The following RAB8B variants were observed in gnomAD, a reference collection of about 807,000 sequenced individuals.
The protein encoded by RAB8B is ras-related protein Rab-8B.
Under a neutral mutation model 32.0 loss-of-function variants are expected in RAB8B, and 11 were observed. The observed-to-expected ratio is 0.34, with a 90% CI of 0.22 to 0.57. The LOEUF is 0.57. Ranked by LOEUF, RAB8B falls within the 20% of genes least tolerant of loss-of-function variation. RAB8B has a pLI of 0.86. For synonymous variants in RAB8B, 103 were observed against 89.6 expected (o/e 1.15, Z -0.85); for missense variants, 190 against 258.5 (o/e 0.73, Z 1.82).
intron 3 of RAB8B, among the ~76,000 whole-genome samples, chr15:63,252,851 C>T (rs1010614129): frequency 4.6e-5 from 7 of 151,572 alleles, no homozygotes; most frequent in Non-Finnish European, 5.9e-5. Flanking sequence ...TGGGTTCAAG[C>T]GATTCTCCTG....
intron 1 of RAB8B, among the ~76,000 whole-genome samples, chr15:63,229,557 A>T (rs2037917186): frequency 6.6e-6 from 1 of 152,138 alleles, no homozygotes; most frequent in Non-Finnish European, 1.5e-5. Flanking sequence ...CAAGGCGGGC[A>T]GATTGCCTGA....
chr15:63,236,826 A>G (rs760874285), intron 1 of RAB8B, among the ~76,000 whole-genome samples: 8 of 152,122 alleles, frequency 5.3e-5, no homozygotes, highest in Non-Finnish European at 8.8e-5. Context: ...ATAGTCACCT[A>G]TTGTCCTAGC....
intron 3 of RAB8B, among the ~76,000 whole-genome samples, chr15:63,253,658 A>C (rs1268440764): frequency 6.6e-6 from 1 of 152,128 alleles, no homozygotes; most frequent in African/African-American, 2.4e-5. Context: ...CTCTAAAAAA[A>C]AGAAAGAAAG....
At chr15:63,227,445 G>A (rs962097658) in intron 1 of RAB8B, among the ~76,000 whole-genome samples, 1 of 151,366 alleles carries the variant, frequency 6.6e-6, no homozygotes, top group African/African-American at 2.4e-5. Flanking sequence ...AGTAACTTAG[G>A]GTTACTGTTA....
rs1268267415 is a variant in RAB8B, at chr15:63,249,676, A to G, written c.217A>G (p.Ile73Val). 13 of 1,613,976 alleles carry G rather than the reference A, an allele frequency of 8.1e-6. No individual in the cohort carries two copies. The highest frequency in any genetic ancestry group is 1.1e-5 in the South Asian group (1 of 91,038). Reference protein sequence around the residue: ...DTAGQERFRTITTAYYRGAMG... With the variant: ...DTAGQERFRTVTTAYYRGAMG... ...AGCGGGTCAGGAAAGATTCCGAACA[A>G]TCACGACAGCGTACTACAGAGGAGC... The change falls in exon 3 of 8, where the codon ATC becomes GTC. Residue 73 changes from isoleucine to valine, a missense_variant. Transcript: ENST00000321437.
At chr15:63,213,389 G>A (rs2141117121) in intron 1 of RAB8B, among the ~76,000 whole-genome samples, 1 of 152,256 alleles carries the variant, frequency 6.6e-6, no homozygotes, top group South Asian at 2.1e-4. Context: ...GTAAATCATG[G>A]TTTTCTGTAT....
At chr15:63,256,075 CTT>C (rs1235650922) in intron 4 of RAB8B, among the ~76,000 whole-genome samples, 1 of 151,986 alleles carries the variant, frequency 6.6e-6, no homozygotes, top group African/African-American at 2.4e-5. Flanking sequence ...TTTTTAATGT[CTT>C]TGTCACTTAA....
chr15:63,242,688 C>T (rs982141170), intron 1 of RAB8B, among the ~76,000 whole-genome samples: 5 of 152,012 alleles, frequency 3.3e-5, no homozygotes, highest in Non-Finnish European at 7.4e-5. Flanking sequence ...AAAAACAAAA[C>T]AAAACAAAAC....
intron 1 of RAB8B, among the ~76,000 whole-genome samples, chr15:63,207,993 C>T (rs1332275922): frequency 1.3e-5 from 2 of 152,222 alleles, no homozygotes; most frequent in Non-Finnish European, 2.9e-5. Flanking sequence ...CCGAGCACTT[C>T]CAGTCTCATT....
At chr15:63,261,966 T>G (rs934391446) in intron 6 of RAB8B, among the ~76,000 whole-genome samples, 9 of 152,208 alleles carry the variant, frequency 5.9e-5, no homozygotes, top group African/African-American at 2.2e-4. Context: ...TCGAACTGAC[T>G]TCCATGGTGG....
chr15:63,193,429 A>G (rs2037574742), intron 1 of RAB8B, among the ~76,000 whole-genome samples: 1 of 152,316 alleles, frequency 6.6e-6, no homozygotes, highest in Non-Finnish European at 1.5e-5. Flanking sequence ...ATTATTGGTC[A>G]AGTGCCTAGG....
intron 1 of RAB8B, among the ~76,000 whole-genome samples, chr15:63,214,505 T>C (rs1265634212): frequency 6.6e-6 from 1 of 152,042 alleles, no homozygotes; most frequent in African/African-American, 2.4e-5. Context: ...TTGGCCAGGC[T>C]GGTCTTGAAC....
intron 7 of RAB8B, among the ~76,000 whole-genome samples, chr15:63,263,117 T>C (rs1259062316): frequency 1.3e-5 from 2 of 152,196 alleles, no homozygotes; most frequent in Non-Finnish European, 2.9e-5. Context: ...TAAGACAACC[T>C]TGAAAGTTTG....
intron 1 of RAB8B, among the ~76,000 whole-genome samples, chr15:63,199,251 TG>T (rs1459118227): frequency 6.6e-6 from 1 of 152,262 alleles, no homozygotes; most frequent in Non-Finnish European, 1.5e-5. Flanking sequence ...TTTTTGCTTT[TG>T]TTAGCAATTG....
chr15:63,220,288 T>A (rs2141121362), intron 1 of RAB8B, among the ~76,000 whole-genome samples: 1 of 152,368 alleles, frequency 6.6e-6, no homozygotes, highest in Admixed American at 6.5e-5. Context: ...TTTTCTTCAT[T>A]CTAAAATGAA....
intron 1 of RAB8B, among the ~76,000 whole-genome samples, chr15:63,227,634 C>G (rs1048827068): frequency 1.3e-5 from 2 of 152,132 alleles, no homozygotes; most frequent in African/African-American, 4.8e-5. Flanking sequence ...CTCTGTCCAC[C>G]CAGGAACCCA....
At chr15:63,260,738 A>C (rs1401904523) in intron 6 of RAB8B, among the ~76,000 whole-genome samples, 3 of 152,138 alleles carry the variant, frequency 2.0e-5, no homozygotes, top group Non-Finnish European at 4.4e-5. Flanking sequence ...TTTTTAAAAA[A>C]CATTTTTTCA....
intron 3 of RAB8B, among the ~76,000 whole-genome samples, chr15:63,250,789 GTC>G (rs1272819638): frequency 4.7e-5 from 7 of 149,906 alleles, no homozygotes; most frequent in Middle Eastern, 3.4e-3. Context: ...TATGCTCAGA[GTC>G]TTTGAAGGTT....
chr15:63,227,803 C>T (rs1239339251), intron 1 of RAB8B, among the ~76,000 whole-genome samples: 2 of 152,122 alleles, frequency 1.3e-5, no homozygotes, highest in Non-Finnish European at 2.9e-5. Context: ...GCTGCTTTTG[C>T]CCTTTGTCTG....
Sources: allele counts gnomAD v4.1 joint callset (sites outside exome capture counted in the v4.1 genomes callset), GRCh38; gene constraint gnomAD v4.1.1; transcripts MANE v1.5; gene names NCBI Gene and HGNC (gene_info 2026-07-23, HGNC 2026-07-21).